APAF1: variants seen among roughly 807,000 people sequenced by gnomAD.
APAF1 encodes the protein apoptotic protease-activating factor 1.
In APAF1, 91 loss-of-function variants were observed where a neutral mutation model predicts 152.4. The ratio of observed to expected loss-of-function variants is 0.60; its 90% CI spans 0.50 to 0.71. The LOEUF is 0.71. Among genes scored for constraint, APAF1 ranks in the 30% least tolerant of loss-of-function variants. The pLI, the probability that APAF1 is intolerant of heterozygous loss-of-function variation, is 0.00. For synonymous variants in APAF1, 484 were observed against 494.1 expected (o/e 0.98, Z 0.27); for missense variants, 1,283 against 1,472.0 (o/e 0.87, Z 2.10).
intron 7 of APAF1, among the ~76,000 whole-genome samples, chr12:98,663,141 T>C (rs1323183892): frequency 6.6e-6 from 1 of 152,178 alleles, no homozygotes; most frequent in Admixed American, 6.5e-5. Context: ...ATAAAAATAG[T>C]GTTCTAATTT....
At position 98,659,192 on chromosome 12, in the gene APAF1, G is replaced by T. The variant is rs370928764; in HGVS notation, c.559G>T (p.Val187Phe). Reference sequence around the variant, plus strand: ...CCCAGGGGGAGTGCATTGGGTTTCAGTTGGGAAACAAGACAAATCTGGGCT... The same window carrying T: ...CCCAGGGGGAGTGCATTGGGTTTCATTTGGGAAACAAGACAAATCTGGGCT... ...CFPGGVHWVSVGKQDKSGLLM... is the reference protein window; with the variant it reads ...CFPGGVHWVSFGKQDKSGLLM... The change falls in exon 5 of 27, where the codon GTT becomes TTT. Residue 187 changes from valine to phenylalanine, a missense_variant. Val to Phe is a conservative substitution (Grantham distance 50). Transcript: ENST00000551964. 8 of 1,614,204 alleles carry T rather than the reference G, an allele frequency of 5.0e-6. No homozygotes were observed. Among genetic ancestry groups the T allele is most frequent in the Non-Finnish European group, 6.8e-6 (8 of 1,180,042 alleles).
intron 13 of APAF1, among the ~76,000 whole-genome samples, chr12:98,678,886 G>A (rs934576679): frequency 2.6e-5 from 4 of 152,228 alleles, no homozygotes; most frequent in Admixed American, 6.5e-5. Context: ...TAGGAGGGAA[G>A]CCAAGGGGGT....
At chr12:98,730,305 C>G (rs1470211181) in intron 26 of APAF1, among the ~76,000 whole-genome samples, 2 of 152,184 alleles carry the variant, frequency 1.3e-5, no homozygotes, top group Non-Finnish European at 2.9e-5. Context: ...AGAGGAGAGT[C>G]ATTGCTGTCT....
At chr12:98,655,309 A>G (rs1402624221) in intron 4 of APAF1, among the ~76,000 whole-genome samples, 1 of 150,832 alleles carries the variant, frequency 6.6e-6, no homozygotes, top group Non-Finnish European at 1.5e-5. Flanking sequence ...TAAAGCCGCC[A>G]TTGTCATCCT....
intron 16 of APAF1, among the ~76,000 whole-genome samples, chr12:98,687,773 A>G (rs1437554709): frequency 6.6e-6 from 1 of 152,144 alleles, no homozygotes; most frequent in Non-Finnish European, 1.5e-5. Context: ...TTTAAACCAC[A>G]GCAAGATCTA....
intron 12 of APAF1, 46 bp from the exon 13 acceptor site, chr12:98,677,379 T>C (rs1179660124): frequency 6.3e-7 from 1 of 1,593,580 alleles, no homozygotes; most frequent in Non-Finnish European, 8.6e-7. Context: ...ATAGTTACTT[T>C]TACTCTCATT....
At chr12:98,671,995 A>T (rs770822802) in intron 12 of APAF1, among the ~76,000 whole-genome samples, 1 of 152,180 alleles carries the variant, frequency 6.6e-6, no homozygotes, top group African/African-American at 2.4e-5. Context: ...GTAATTTAGT[A>T]TAGTGGTGAG....
At chr12:98,684,698 A>C (rs1016367473) in intron 15 of APAF1, among the ~76,000 whole-genome samples, 8 of 152,076 alleles carry the variant, frequency 5.3e-5, no homozygotes, top group Non-Finnish European at 1.0e-4. Context: ...GTTCACTTTT[A>C]CTCAAAAAAA....
intron 4 of APAF1, among the ~76,000 whole-genome samples, chr12:98,655,022 GTGATGACTCTTAACGAGCA>G (rs1245874116): frequency 8.2e-6 from 1 of 121,562 alleles, no homozygotes; most frequent in Non-Finnish European, 1.7e-5. Flanking sequence ...TCAGGGATTG[GTGATGACTCTTAACGAGCA>G]TGCTGCCTTC....
chr12:98,691,983 C>T (rs1438134824), intron 16 of APAF1, among the ~76,000 whole-genome samples: 1 of 152,146 alleles, frequency 6.6e-6, no homozygotes, highest in East Asian at 1.9e-4. Context: ...TCCTAACTTC[C>T]TGCTAGTTGT....
chr12:98,727,280 T>G lies in APAF1; in HGVS notation c.3564T>G (p.Asp1188Glu). Reference protein sequence around the residue: ...GWVTDLCFSPDGKMLISAGGY... With the variant: ...GWVTDLCFSPEGKMLISAGGY... Reference sequence around the variant, plus strand: ...TGACTGACCTTTGCTTTTCTCCAGATGGCAAAATGCTTATCTCTGCTGGAG... The same window carrying G: ...TGACTGACCTTTGCTTTTCTCCAGAGGGCAAAATGCTTATCTCTGCTGGAG... Residue 1188 changes from aspartate (D) to glutamate (E), a missense_variant, in exon 26 of 27, where the codon GAT (aspartate) becomes GAG (glutamate). By Grantham distance (45) the Asp-to-Glu change is conservative (BLOSUM62 2). Transcript: ENST00000551964. 6.2e-7 allele frequency: 1 copy of G among 1,614,174 alleles called. No homozygotes were observed. The highest frequency in any genetic ancestry group is 8.5e-7 in the Non-Finnish European group (1 of 1,180,010).
intron 10 of APAF1, 157 bp from the exon 11 acceptor site, chr12:98,670,816 T>C: frequency 1.9e-6 from 1 of 532,462 alleles, no homozygotes; most frequent in South Asian, 3.0e-5. Flanking sequence ...ATTTTATGTT[T>C]CTTTGGAACT....
Position 98,714,842 on chromosome 12 carries a change from T to C in APAF1, c.2959-585T>C, listed in dbSNP as rs11109577. Among the ~76,000 whole-genome samples the C allele has an allele frequency of 4.2e-3, 622 of 149,240 alleles. 3 individuals carry two copies. Among genetic ancestry groups the C allele is most frequent in the Non-Finnish European group, 7.2e-3 (478 of 66,678 alleles). ...GAGTTCATTTGAAAGCCTTTTTTTT[T>C]CTTTTTTTTTTTTTGACATAGTCAT... is the stretch of plus-strand genomic sequence containing the variant. On this transcript the variant is annotated intron_variant, in intron 21 of 26. Transcript: ENST00000551964.
chr12:98,694,944 G>C lies in APAF1; in HGVS notation c.2305-4464G>C, dbSNP rs140318784. Among the ~76,000 whole-genome samples the C allele has an allele frequency of 3.0e-3, 443 of 148,092 alleles. 3 individuals carry two copies. Among genetic ancestry groups the C allele is most frequent in the African/African-American group, 0.011 (421 of 39,882 alleles). ...GGCTGGAGTGCTGTGGCACCATCTC[G>C]GCTCACTGCAAGATGGTGAACTTTT... On this transcript the variant is annotated intron_variant, in intron 16 of 26. Coordinates refer to ENST00000551964, the MANE Select transcript of APAF1 (RefSeq NM_181861.2).
chr12:98,719,772 T>C (rs538946765), intron 22 of APAF1, among the ~76,000 whole-genome samples: 5 of 152,322 alleles, frequency 3.3e-5, no homozygotes, highest in Admixed American at 2.0e-4. Flanking sequence ...CTCATTCTTT[T>C]GATCTTGCCA....
chr12:98,656,127 C>T (rs2097657275), intron 4 of APAF1, among the ~76,000 whole-genome samples: 1 of 151,988 alleles, frequency 6.6e-6, no homozygotes, highest in Non-Finnish European at 1.5e-5. Flanking sequence ...GTGGTTTCAC[C>T]ATGTTGCTCA....
intron 16 of APAF1, among the ~76,000 whole-genome samples, chr12:98,692,240 G>A (rs1208166450): frequency 6.6e-6 from 1 of 151,998 alleles, no homozygotes; most frequent in Non-Finnish European, 1.5e-5. Context: ...CCGCTGCCAT[G>A]CCCGGCTAAT....
intron 25 of APAF1, among the ~76,000 whole-genome samples, chr12:98,726,969 A>G (rs1593119454): frequency 1.3e-5 from 2 of 152,136 alleles, no homozygotes; most frequent in South Asian, 4.1e-4. Flanking sequence ...ATTCTGGTGT[A>G]CCTTTATTTG....
chr12:98,689,838 G>C (rs943766825), intron 16 of APAF1, among the ~76,000 whole-genome samples: 8 of 152,086 alleles, frequency 5.3e-5, no homozygotes, highest in African/African-American at 1.7e-4. Flanking sequence ...TATATCTATA[G>C]GTAGAAACTG....
Sources: gnomAD v4.1 joint callset for allele counts (sites outside exome capture counted in the v4.1 genomes callset) on GRCh38, gnomAD v4.1.1 for gene constraint, MANE v1.5 for transcripts, NCBI Gene and HGNC (gene_info 2026-07-23, HGNC 2026-07-21) for gene names.